FBLN5: variants seen among roughly 807,000 people sequenced by gnomAD.
FBLN5 encodes fibulin 5, also known as fibulin-5.
Under a neutral mutation model 61.6 loss-of-function variants are expected in FBLN5, and 24 were observed. The ratio of observed to expected loss-of-function variants is 0.39; its 90% CI spans 0.28 to 0.55. FBLN5 has a LOEUF of 0.55. FBLN5 is among the 20% of genes least tolerant of loss of function. The pLI is 0.65. For missense variants in FBLN5, 470 were observed against 594.1 expected (o/e 0.79, Z 2.17); for synonymous variants, 213 against 219.8 (o/e 0.97, Z 0.27).
chr14:91,895,873 G>A (rs1044853273), intron 4 of FBLN5, among the ~76,000 whole-genome samples: 12 of 149,306 alleles, frequency 8.0e-5, no homozygotes, highest in African/African-American at 2.2e-4. Flanking sequence ...GTATTCACCC[G>A]TGAAAATCTT....
intron 4 of FBLN5, among the ~76,000 whole-genome samples, chr14:91,907,720 A>C (rs1890740887): frequency 1.3e-5 from 2 of 152,124 alleles, no homozygotes; most frequent in African/African-American, 4.8e-5. Context: ...AAAATAAAAG[A>C]AAAGAGATGG....
At chr14:91,887,062 C>T (rs555808518) in intron 7 of FBLN5, 131 bp downstream of exon 7, 7 of 980,478 alleles carry the variant, frequency 7.1e-6, no homozygotes, top group Non-Finnish European at 1.1e-5. Context: ...ACCCCACTGC[C>T]CTGGAGGATG....
chr14:91,916,038 A>T (rs1891185136), intron 4 of FBLN5, among the ~76,000 whole-genome samples: 1 of 152,248 alleles, frequency 6.6e-6, no homozygotes, highest in African/African-American at 2.4e-5. Flanking sequence ...ATTGTAAACA[A>T]ATCATACTAT....
intron 4 of FBLN5, among the ~76,000 whole-genome samples, chr14:91,896,214 G>A (rs887013180): frequency 4.6e-5 from 7 of 152,084 alleles, no homozygotes; most frequent in African/African-American, 1.4e-4. Flanking sequence ...TGGACCTCCC[G>A]ATGCCACACT....
chr14:91,901,524 A>G (rs1472287599), intron 4 of FBLN5, among the ~76,000 whole-genome samples: 1 of 152,196 alleles, frequency 6.6e-6, no homozygotes, highest in Non-Finnish European at 1.5e-5. Context: ...AGAAAACAAC[A>G]ATGGCACATT....
At position 91,897,714 on chromosome 14, in the gene FBLN5, A is replaced by G. The variant is rs552147532; in HGVS notation, c.380-2642T>C. On this transcript the variant is annotated intron_variant, in intron 4 of 10. Transcript: ENST00000342058. ...TCAGGCCGAAGATCAAAATCCTTGA[A>G]GTTCACTCTTTTAAAAACTCCAGCA... is the stretch of plus-strand genomic sequence containing the variant. 2.6e-5 allele frequency among the ~76,000 whole-genome samples: 4 copies of G among 152,322 alleles called. No individual in the cohort carries two copies. In the South Asian group the frequency reaches 8.3e-4, roughly 32 times the overall value.
rs558790057 is a variant in FBLN5 at position 91,897,817 on chromosome 14, G to A, written c.380-2745C>T. 2.6e-5 allele frequency among the ~76,000 whole-genome samples: 4 copies of A among 152,338 alleles called. No homozygotes were observed. The East Asian group carries it at 5.8e-4, about 22-fold the overall frequency. On this transcript the variant is annotated intron_variant, in intron 4 of 10. Coordinates refer to ENST00000342058, the MANE Select transcript of FBLN5 (RefSeq NM_006329.4). Reference sequence around the variant, plus strand: ...AATCCCAGCACGTTGGGAGGCCAAGGTGGGTAAGATTGCTTGAGTCCAGGA... The same window carrying A: ...AATCCCAGCACGTTGGGAGGCCAAGATGGGTAAGATTGCTTGAGTCCAGGA...
chr14:91,883,204 A>G, intron 7 of FBLN5, 128 bp from the exon 8 acceptor site: 2 of 1,017,198 alleles, frequency 2.0e-6, no homozygotes, highest in Non-Finnish European at 3.0e-6. Flanking sequence ...AGAAGCTGTC[A>G]ATTCACTTCT....
intron 4 of FBLN5, among the ~76,000 whole-genome samples, chr14:91,919,837 CGAG>C (rs1168161423): frequency 2.0e-5 from 3 of 152,192 alleles, no homozygotes; most frequent in Non-Finnish European, 4.4e-5. Flanking sequence ...GCCAGCAGAA[CGAG>C]GAGACAATAC....
chr14:91,934,939 G>A (rs2055988186), intron 4 of FBLN5, among the ~76,000 whole-genome samples: 2 of 152,014 alleles, frequency 1.3e-5, no homozygotes, highest in Non-Finnish European at 1.5e-5. Flanking sequence ...TTTACAATAC[G>A]CAGAGGGACC....
At position 91,935,396 on chromosome 14, in the gene FBLN5, G is replaced by A. The variant is rs777439817; in HGVS notation, c.379+1551C>T. Among the ~76,000 whole-genome samples, 21 of 152,320 alleles carry A rather than the reference G, an allele frequency of 1.4e-4. No homozygotes were observed. The South Asian group carries it at 1.4e-3, about 11-fold the overall frequency. On this transcript the variant is annotated intron_variant, in intron 4 of 10. Transcript: ENST00000342058. ...CCACCCAAGGCCCCCTGCCAAAACC[G>A]CAGAGTGCCTCGAAAGAATCATTAC...
chr14:91,902,603 C>T (rs559980560), intron 4 of FBLN5, among the ~76,000 whole-genome samples: 35 of 152,242 alleles, frequency 2.3e-4, no homozygotes, highest in African/African-American at 7.7e-4. Context: ...CTTTAATATG[C>T]GTATGACTCA....
At chr14:91,875,920 A>G (rs899416566) in intron 10 of FBLN5, among the ~76,000 whole-genome samples, 1 of 152,242 alleles carries the variant, frequency 6.6e-6, no homozygotes, top group African/African-American at 2.4e-5. Context: ...AATTGACGTG[A>G]GATGTAACCC....
chr14:91,881,264 T>C, intron 9 of FBLN5, 28 bp downstream of exon 9: 1 of 1,613,716 alleles, frequency 6.2e-7, no homozygotes, highest in Non-Finnish European at 8.5e-7. Context: ...ATCAGGTTTC[T>C]ATTCCCCAGG....
intron 5 of FBLN5, among the ~76,000 whole-genome samples, chr14:91,893,577 A>G (rs559488653): frequency 1.3e-5 from 2 of 152,382 alleles, no homozygotes; most frequent in South Asian, 4.1e-4. Context: ...ATGGTGTCTT[A>G]GAGAATTTAA....
chr14:91,876,314 G>A (rs574143119), intron 10 of FBLN5, among the ~76,000 whole-genome samples: 1 of 152,238 alleles, frequency 6.6e-6, no homozygotes, highest in South Asian at 2.1e-4. Context: ...GCATATAAAC[G>A]CCCATGGACC....
At position 91,891,306 on chromosome 14, in the gene FBLN5, C is replaced by T. The variant is rs1344221381; in HGVS notation, c.534G>A (p.Gln178=). The T allele has an allele frequency of 1.2e-6, 2 of 1,613,594 alleles. No individual in the cohort carries two copies. The highest frequency in any genetic ancestry group is 3.3e-5 in the Admixed American group (2 of 60,010). Residue 178 remains glutamine (Q), a synonymous_variant, in exon 6 of 11, where the codon CAG becomes CAA. Transcript: ENST00000342058. ...ATCCAGGAACATTCGCACAGAGCTGCTGGCAGTAACCATAGCGACATTCAT... is the reference window on the plus strand; with the variant it reads ...ATCCAGGAACATTCGCACAGAGCTGTTGGCAGTAACCATAGCGACATTCAT... ...DIDECRYGYC[Q]QLCANVPGSY...
At chr14:91,889,674 C>T (rs902489466) in intron 6 of FBLN5, among the ~76,000 whole-genome samples, 1 of 152,222 alleles carries the variant, frequency 6.6e-6, no homozygotes, top group African/African-American at 2.4e-5. Context: ...CAGCACTCTT[C>T]CACACACGAA....
chr14:91,910,972 T>C (rs1301401506), intron 4 of FBLN5, among the ~76,000 whole-genome samples: 2 of 140,114 alleles, frequency 1.4e-5, no homozygotes, highest in Admixed American at 1.6e-4. Context: ...GCTGCCCTCA[T>C]TTTTTTAGCT....
Sources: gnomAD v4.1 joint callset for allele counts (sites outside exome capture counted in the v4.1 genomes callset) on GRCh38, gnomAD v4.1.1 for gene constraint, MANE v1.5 for transcripts, NCBI Gene and HGNC (gene_info 2026-07-23, HGNC 2026-07-21) for gene names.